STK33: variants seen among roughly 807,000 people sequenced by gnomAD.
STK33 encodes serine/threonine kinase 33.
STK33 carries 52 observed loss-of-function variants against 58.0 expected under a neutral mutation model. That is an observed-to-expected ratio of 0.90 (90% CI 0.72 to 1.13). The LOEUF (loss-of-function observed/expected upper bound fraction) is 1.13. Ranked by LOEUF, STK33 falls within the 50% of genes most tolerant of loss-of-function variation. The pLI, the probability that STK33 is intolerant of heterozygous loss-of-function variation, is 0.00. For missense variants in STK33, 630 were observed against 604.2 expected, an observed-to-expected ratio of 1.04 and a Z score of -0.45; for synonymous variants, 215 against 200.1, an observed-to-expected ratio of 1.07 and a Z score of -0.63.
At chr11:8,495,289 T>A (rs1373093950) in intron 1 of STK33, among the ~76,000 whole-genome samples, 2 of 152,004 alleles carry the variant, frequency 1.3e-5, no homozygotes, top group Non-Finnish European at 2.9e-5. Flanking sequence ...GGGCAAAGGA[T>A]ATGAACAGAC....
Position 8,395,779 on chromosome 11 carries a change from G to A in STK33, c.1345-3069C>T, listed in dbSNP as rs1214240723. Among the ~76,000 whole-genome samples the A allele has an allele frequency of 3.3e-5, 5 of 152,098 alleles. No individual in the cohort carries two copies. In the East Asian group the frequency reaches 7.7e-4, roughly 23 times the overall value. On this transcript the variant is annotated intron_variant, in intron 15 of 15. Coordinates refer to ENST00000687296, the MANE Select transcript of STK33 (RefSeq NM_001352389.2). ...ACATTTTGCACATGACATTTTGCAC[G>A]TTCGTAAGTTTTTCTACAGGATATA...
chr11:8,439,481 G>A (rs1174570384), intron 12 of STK33, among the ~76,000 whole-genome samples: 1 of 152,028 alleles, frequency 6.6e-6, no homozygotes, highest in Non-Finnish European at 1.5e-5. Flanking sequence ...CTTTTGTGGA[G>A]CATGAGAAAG....
At chr11:8,467,855 G>A (rs758550014) in intron 6 of STK33, among the ~76,000 whole-genome samples, 9 of 152,148 alleles carry the variant, frequency 5.9e-5, no homozygotes, top group East Asian at 1.9e-4. Flanking sequence ...TGAGGCACAC[G>A]AATTGCTTGA....
At chr11:8,507,683 A>G (rs1164198130) in intron 1 of STK33, among the ~76,000 whole-genome samples, 1 of 152,142 alleles carries the variant, frequency 6.6e-6, no homozygotes, top group Non-Finnish European at 1.5e-5. Context: ...CATAAGTCCA[A>G]TCAGAAATTG....
the STK33 span, among the ~76,000 whole-genome samples, chr11:8,380,265 A>C: frequency 2.6e-5 from 4 of 152,174 alleles, no homozygotes; most frequent in East Asian, 7.7e-4. Flanking sequence ...GAGCCTTAAG[A>C]ACGGCCATTA....
intron 15 of STK33, 126 bp from the exon 16 acceptor site, chr11:8,392,836 C>T: frequency 2.3e-5 from 18 of 781,796 alleles, no homozygotes; most frequent in Non-Finnish European, 3.4e-5. Context: ...AGGGTCCAAA[C>T]TAGTCATATT....
chr11:8,593,627 C>G (rs1421365137), intron 1 of STK33: 1 of 152,182 alleles, frequency 6.6e-6, no homozygotes, highest in Non-Finnish European at 1.5e-5. Context: ...AAGAGACTAT[C>G]TTAAGGGCAA....
chr11:8,594,228 CG>C (rs1370847070), upstream of STK33: 1 of 152,328 alleles, frequency 6.6e-6, no homozygotes, highest in African/African-American at 2.4e-5. Context: ...GGACAAACAG[CG>C]GCGGCGGGTG....
chr11:8,435,602 G>GA (rs781171063), intron 13 of STK33, 23 bp from the exon 14 acceptor site: 17 of 1,388,574 alleles, frequency 1.2e-5, no homozygotes, highest in Non-Finnish European at 1.5e-5. Context: ...AAAAAATCCT[G>GA]AAAAATCTTA....
intron 8 of STK33, 22 bp downstream of exon 8, chr11:8,461,783 G>A (rs372598780): frequency 4.6e-6 from 7 of 1,511,770 alleles, no homozygotes; most frequent in African/African-American, 2.9e-5. Flanking sequence ...CTTTCAAAAT[G>A]CAGCGCCTAA....
intron 11 of STK33, among the ~76,000 whole-genome samples, chr11:8,442,762 C>T (rs1015137114): frequency 4.6e-5 from 7 of 152,022 alleles, no homozygotes; most frequent in South Asian, 2.1e-4. Context: ...AAAAAAGCAA[C>T]GAATTACGTA....
chr11:8,495,921 G>C (rs541470762), intron 1 of STK33, among the ~76,000 whole-genome samples: 12 of 151,636 alleles, frequency 7.9e-5, no homozygotes, highest in African/African-American at 2.9e-4. Flanking sequence ...ACACAGGGCG[G>C]GGAATATCAC....
intron 1 of STK33, among the ~76,000 whole-genome samples, chr11:8,506,451 TCTAA>T (rs2139295094): frequency 6.6e-6 from 1 of 152,170 alleles, no homozygotes; most frequent in African/African-American, 2.4e-5. Context: ...AAGTTAGAAA[TCTAA>T]CAGCCTCCCT....
intron 1 of STK33, among the ~76,000 whole-genome samples, chr11:8,535,120 T>C (rs563932166): frequency 2.0e-5 from 3 of 152,256 alleles, no homozygotes; most frequent in African/African-American, 7.2e-5. Context: ...CATGACTGCT[T>C]GGGTATGAAC....
intron 1 of STK33, among the ~76,000 whole-genome samples, chr11:8,523,666 CA>C (rs1415655077): frequency 6.7e-6 from 1 of 149,726 alleles, no homozygotes; most frequent in African/African-American, 2.5e-5. Context: ...AGGTGGGGGG[CA>C]GCCCCCGCCA....
chr11:8,526,495 A>G (rs1233202817), intron 1 of STK33, among the ~76,000 whole-genome samples: 1 of 152,128 alleles, frequency 6.6e-6, no homozygotes, highest in Non-Finnish European at 1.5e-5. Flanking sequence ...TAACTCAAAA[A>G]TTTCTCTCTT....
At chr11:8,388,528 T>C (rs1410596338), downstream of STK33, among the ~76,000 whole-genome samples, 1 of 152,260 alleles carries the variant, frequency 6.6e-6, no homozygotes, top group Non-Finnish European at 1.5e-5. Context: ...AACTGAACGA[T>C]GTGAGACCTT....
chr11:8,478,914 G>A (rs984396086), intron 2 of STK33, among the ~76,000 whole-genome samples: 2 of 152,076 alleles, frequency 1.3e-5, no homozygotes, highest in African/African-American at 2.4e-5. Context: ...TTCATTAAGG[G>A]CATGATTAGG....
intron 1 of STK33, among the ~76,000 whole-genome samples, chr11:8,561,091 A>G (rs1420015085): frequency 2.6e-5 from 4 of 152,220 alleles, no homozygotes; most frequent in African/African-American, 9.6e-5. Flanking sequence ...CAACGCAGTT[A>G]TTCAGACTTT....
Sources: gnomAD v4.1 joint callset for allele counts (sites outside exome capture counted in the v4.1 genomes callset) on GRCh38, gnomAD v4.1.1 for gene constraint, MANE v1.5 for transcripts, NCBI Gene and HGNC (gene_info 2026-07-23, HGNC 2026-07-21) for gene names.